Variants in ITGB5 observed in about 807,000 individuals in gnomAD.
ITGB5 encodes the protein integrin subunit beta 5.
ITGB5 carries 38 observed loss-of-function variants against 84.8 expected under a neutral mutation model. That is an observed-to-expected ratio of 0.45 (90% CI 0.35 to 0.59). The LOEUF (loss-of-function observed/expected upper bound fraction) is 0.59. Ranked by LOEUF, ITGB5 falls within the 20% of genes least tolerant of loss-of-function variation. The probability of loss-of-function intolerance (pLI) is 0.01; values close to 1 mark genes in which losing one functional copy is unlikely to be tolerated. For missense variants in ITGB5, 905 were observed against 1,034.5 expected (o/e 0.87, Z 1.72); for synonymous variants, 393 against 414.4 (o/e 0.95, Z 0.63).
At chr3:124,875,600 T>C (rs1198220064) in intron 1 of ITGB5, among the ~76,000 whole-genome samples, 1 of 152,072 alleles carries the variant, frequency 6.6e-6, no homozygotes, top group African/African-American at 2.4e-5. Context: ...GAAAATGATA[T>C]GGAGGTTCCT....
intron 1 of ITGB5, among the ~76,000 whole-genome samples, chr3:124,895,949 C>T (rs927578830): frequency 3.3e-5 from 5 of 152,180 alleles, no homozygotes; most frequent in Admixed American, 6.5e-5. Flanking sequence ...GGGCCTGGTC[C>T]CTGCCAGAGC....
chr3:124,820,161 G>A (rs530711594), intron 6 of ITGB5, among the ~76,000 whole-genome samples: 3 of 152,234 alleles, frequency 2.0e-5, no homozygotes, highest in Admixed American at 6.5e-5. Context: ...TAGTGGGGAC[G>A]CCCTAGAGAA....
intron 11 of ITGB5, among the ~76,000 whole-genome samples, chr3:124,770,822 G>A (rs1216608322): frequency 6.6e-6 from 1 of 152,222 alleles, no homozygotes; most frequent in East Asian, 1.9e-4. Flanking sequence ...AAGGCGGGCA[G>A]CTGAGACCTG....
At position 124,859,254 on chromosome 3, in the gene ITGB5, T is replaced by C. The variant is rs750846612; in HGVS notation, c.349A>G (p.Asn117Asp). The part of the protein sequence containing the change: ...IQMTPQEIAV[N>D]LRPGDKTTFQ... ...GTGGGCAACTCACCGGGCCGGAGGT[T>C]CACGGCAATCTCCTGTGGTGTCATC... The change falls in exon 3 of 15, where the codon AAC (asparagine) becomes GAC (aspartate). Residue 117 changes from asparagine to aspartate, a missense_variant. Physicochemically the swap from Asn to Asp is conservative, Grantham distance 23. Coordinates refer to ENST00000296181, the MANE Select transcript of ITGB5 (RefSeq NM_002213.5). 6.2e-7 allele frequency: 1 copy of C among 1,613,902 alleles called. No individual in the cohort carries two copies. The highest frequency in any genetic ancestry group is 8.5e-7 in the Non-Finnish European group (1 of 1,179,936).
chr3:124,894,254 T>C (rs1031744575), intron 1 of ITGB5, among the ~76,000 whole-genome samples: 2 of 147,610 alleles, frequency 1.4e-5, no homozygotes, highest in Non-Finnish European at 3.0e-5. Context: ...TACCTCAGCC[T>C]CCCACAGTAG....
At chr3:124,861,517 CACACACACACAG>C (rs1436979976) in intron 2 of ITGB5, among the ~76,000 whole-genome samples, 7 of 147,500 alleles carry the variant, frequency 4.7e-5, no homozygotes, top group East Asian at 2.0e-4. Context: ...CACACACACA[CACACACACACAG>C]AGAGATACAC....
chr3:124,894,551 T>C (rs1355376868), intron 1 of ITGB5: 1 of 152,242 alleles, frequency 6.6e-6, no homozygotes, highest in African/African-American at 2.4e-5. Flanking sequence ...GAGGAAACTC[T>C]CCTGGATTCT....
intron 8 of ITGB5, among the ~76,000 whole-genome samples, chr3:124,815,681 G>A (rs898190398): frequency 5.3e-5 from 8 of 152,082 alleles, no homozygotes; most frequent in Non-Finnish European, 1.0e-4. Context: ...AGACCCAAGC[G>A]GCTCACAGCT....
chr3:124,792,380 C>T (rs537012396), intron 10 of ITGB5: 2 of 152,360 alleles, frequency 1.3e-5, no homozygotes, highest in South Asian at 4.1e-4. Flanking sequence ...TTTCTTACTA[C>T]TGCTCAGAAT....
At position 124,848,495 on chromosome 3, in the gene ITGB5, T is replaced by G; in HGVS notation, c.425A>C (p.Tyr142Ser). The G allele has an allele frequency of 6.2e-7, 1 of 1,614,104 alleles. No individual in the cohort carries two copies. Among genetic ancestry groups the G allele is most frequent in the South Asian group, 1.1e-5 (1 of 91,068 alleles). ...QVEDYPVDLY[Y>S]LMDLSLSMKD... is the part of the protein sequence containing the mutation. ...CATGGACAGGGAGAGGTCCATCAGG[T>G]AGTACAGGTCCACAGGATAGTCCTC... The change falls in exon 4 of 15, where the codon TAC becomes TCC. Residue 142 changes from tyrosine to serine, a missense_variant. Coordinates refer to ENST00000296181, the MANE Select transcript of ITGB5 (RefSeq NM_002213.5).
At position 124,817,725 on chromosome 3, in the gene ITGB5, T is replaced by A. The variant is rs201402241; in HGVS notation, c.1039-15A>T. On this transcript the variant is annotated splice_polypyrimidine_tract_variant and intron_variant, in intron 7 of 14. Transcript: ENST00000296181. ...GCTGTAAAATTCTTGGGAAAAAAAGTAAAGAAAAGAAATAAGTTCATTTTG... is the reference window on the plus strand; with the variant it reads ...GCTGTAAAATTCTTGGGAAAAAAAGAAAAGAAAAGAAATAAGTTCATTTTG... 18 of 1,483,402 alleles carry A rather than the reference T, an allele frequency of 1.2e-5. No homozygotes were observed. Among genetic ancestry groups the A allele is most frequent in the Middle Eastern group, 1.7e-4 (1 of 5,776 alleles). 91.9% of individuals were successfully genotyped at this position (1,483,402 alleles called of 1,614,324 possible). A position where few individuals can be genotyped will look rare whatever the true frequency, so the allele number is the denominator to read the frequency against.
At chr3:124,814,218 C>T (rs2064549491) in intron 8 of ITGB5, among the ~76,000 whole-genome samples, 1 of 152,018 alleles carries the variant, frequency 6.6e-6, no homozygotes, top group South Asian at 2.1e-4. Context: ...CTTTGACCAA[C>T]TGAACTTGCT....
chr3:124,848,051 G>A (rs184302462), intron 4 of ITGB5, among the ~76,000 whole-genome samples: 15 of 152,280 alleles, frequency 9.9e-5, no homozygotes, highest in Non-Finnish European at 2.1e-4. Flanking sequence ...ATTAATGTGA[G>A]CAAATGGTGC....
At chr3:124,810,013 A>C (rs1425317268) in intron 8 of ITGB5, among the ~76,000 whole-genome samples, 1 of 152,170 alleles carries the variant, frequency 6.6e-6, no homozygotes, top group Non-Finnish European at 1.5e-5. Flanking sequence ...ATCCAACAGA[A>C]GTGTATGCGT....
intron 3 of ITGB5, among the ~76,000 whole-genome samples, chr3:124,848,819 G>A (rs1049222711): frequency 7.9e-5 from 12 of 151,626 alleles, no homozygotes; most frequent in African/African-American, 2.9e-4. Context: ...TTGCTCTGTC[G>A]CCCAGGCTGG....
At chr3:124,818,046 G>A (rs1461253113) in intron 7 of ITGB5, among the ~76,000 whole-genome samples, 2 of 151,928 alleles carry the variant, frequency 1.3e-5, no homozygotes, top group East Asian at 1.9e-4. Context: ...GACAGCTCCT[G>A]ACAGTTTCTT....
chr3:124,872,152 A>G (rs555035432), intron 2 of ITGB5, among the ~76,000 whole-genome samples: 2 of 152,234 alleles, frequency 1.3e-5, no homozygotes, highest in African/African-American at 4.8e-5. Context: ...AAAGGTTTAT[A>G]TGTTGGGAAG....
chr3:124,764,600 C>G (rs768609800), intron 13 of ITGB5, 43 bp from the exon 14 acceptor site: 1 of 1,567,838 alleles, frequency 6.4e-7, no homozygotes, highest in Non-Finnish European at 8.7e-7. Context: ...ACTAGCATCA[C>G]CATGCCCCTC....
At position 124,819,814 on chromosome 3, in the gene ITGB5, C is replaced by T. The variant is rs776369649; in HGVS notation, c.963G>A (p.Leu321=). The T allele has an allele frequency of 6.2e-7, 1 of 1,613,990 alleles. No homozygotes were observed. The highest frequency in any genetic ancestry group is 1.7e-5 in the Admixed American group (1 of 60,022). ...TGTTCTCTGCCAATTTCTCTCCAAG[C>T]AAGGCAAGGGATGGATAGTCCTAGG... ...SNQMDYPSLA[L]LGEKLAENNI... Residue 321 remains leucine, a synonymous_variant, in exon 7 of 15, where the codon TTG becomes TTA. Transcript: ENST00000296181.
Sources: allele counts gnomAD v4.1 joint callset (sites outside exome capture counted in the v4.1 genomes callset), GRCh38; gene constraint gnomAD v4.1.1; transcripts MANE v1.5; gene names NCBI Gene and HGNC (gene_info 2026-07-23, HGNC 2026-07-21).